Variants in NAV3 observed in about 807,000 individuals in gnomAD.
NAV3 encodes neuron navigator 3.
A neutral mutation model predicts 244.7 loss-of-function variants in NAV3; 87 were observed. The ratio of observed to expected loss-of-function variants is 0.36; its 90% CI spans 0.30 to 0.42. The LOEUF (loss-of-function observed/expected upper bound fraction) is 0.42, where lower values mean the gene tolerates loss of function less well. NAV3 is among the 20% of genes least tolerant of loss of function. The pLI, the probability that NAV3 is intolerant of heterozygous loss-of-function variation, is 1.00. For synonymous variants in NAV3, 1,126 were observed against 1,042.2 expected (o/e 1.08, Z -1.55); for missense variants, 2,663 against 2,893.3 (o/e 0.92, Z 1.83).
intron 34 of NAV3, among the ~76,000 whole-genome samples, chr12:78,192,534 T>A (rs1252862782): frequency 1.3e-5 from 2 of 151,798 alleles, no homozygotes; most frequent in Admixed American, 6.6e-5. Flanking sequence ...GCCTCCTGAG[T>A]AGCTGAGACT....
chr12:77,798,743 C>T (rs1347232833), intron 2 of NAV3, among the ~76,000 whole-genome samples: 1 of 152,084 alleles, frequency 6.6e-6, no homozygotes, highest in Non-Finnish European at 1.5e-5. Context: ...GGCCAAAATT[C>T]ACATAGGATT....
intron 5 of NAV3, among the ~76,000 whole-genome samples, chr12:77,977,340 T>A (rs993281387): frequency 3.9e-5 from 6 of 152,130 alleles, no homozygotes; most frequent in African/African-American, 1.4e-4. Flanking sequence ...TATAGGCAGG[T>A]CTTTCTAGGA....
intron 1 of NAV3, among the ~76,000 whole-genome samples, chr12:77,882,264 G>A (rs1882743997): frequency 6.6e-6 from 1 of 152,026 alleles, no homozygotes; most frequent in South Asian, 2.1e-4. Flanking sequence ...AGAAAACTCA[G>A]AAATAATACT....
At chr12:77,942,787 C>T (rs1889998557) in intron 3 of NAV3, among the ~76,000 whole-genome samples, 2 of 152,136 alleles carry the variant, frequency 1.3e-5, no homozygotes, top group African/African-American at 4.8e-5. Flanking sequence ...AAATGCAATG[C>T]AGAATAGTAT....
At chr12:78,181,275 T>C (rs1958487799) in intron 30 of NAV3, among the ~76,000 whole-genome samples, 1 of 152,098 alleles carries the variant, frequency 6.6e-6, no homozygotes, top group African/African-American at 2.4e-5. Flanking sequence ...TTTTAAGAAA[T>C]CACTTTTCCC....
chr12:77,595,483 A>T (rs1870125605), intron 2 of NAV3, among the ~76,000 whole-genome samples: 1 of 152,136 alleles, frequency 6.6e-6, no homozygotes, highest in South Asian at 2.1e-4. Flanking sequence ...AATGACTATA[A>T]ATAATCGTAT....
At chr12:77,628,255 T>G (rs1171160449) in intron 2 of NAV3, among the ~76,000 whole-genome samples, 1 of 152,204 alleles carries the variant, frequency 6.6e-6, no homozygotes, top group Non-Finnish European at 1.5e-5. Context: ...AAATATCACA[T>G]GTACTCCATA....
chr12:77,873,744 G>GTGTGTATATATATA lies in NAV3; in HGVS notation c.243+42041_243+42042insGTGTATATATATAT, dbSNP rs776225440. On this transcript the variant is annotated intron_variant, in intron 1 of 39. Coordinates refer to ENST00000397909, the MANE Select transcript of NAV3 (RefSeq NM_001024383.2). ...CTTATCTAAATACATATGTGTGTGT[G>GTGTGTATATATATA]TATATATATATATATATATATATGT... Among the ~76,000 whole-genome samples the GTGTGTATATATATA allele has an allele frequency of 6.5e-3, 475 of 73,082 alleles. 18 individuals carry two copies. Among genetic ancestry groups the GTGTGTATATATATA allele is most frequent in the South Asian group, 9.2e-3 (14 of 1,528 alleles). 47.9% of individuals were successfully genotyped at this position (73,082 alleles called of 152,430 possible).
chr12:77,819,545 A>G (rs1872651006), intron 2 of NAV3, among the ~76,000 whole-genome samples: 1 of 152,004 alleles, frequency 6.6e-6, no homozygotes, highest in Non-Finnish European at 1.5e-5. Flanking sequence ...TAGATGCCAA[A>G]TTTAGTTGTC....
At chr12:77,808,596 ATGAGGTGTCTATCGACCCCTGC>A (rs928741838) in intron 2 of NAV3, among the ~76,000 whole-genome samples, 1 of 152,164 alleles carries the variant, frequency 6.6e-6, no homozygotes, top group African/African-American at 2.4e-5. Flanking sequence ...GCTCTCCTGT[ATGAGGTGTCTATCGACCCCTGC>A]TGGGAGGTGT....
chr12:77,971,370 C>A (rs752667974), intron 5 of NAV3, among the ~76,000 whole-genome samples: 1 of 151,718 alleles, frequency 6.6e-6, no homozygotes, highest in African/African-American at 2.4e-5. Flanking sequence ...ATTCAGGACC[C>A]GAATATAGAA....
chr12:78,089,153 C>T (rs1005497921), intron 12 of NAV3, among the ~76,000 whole-genome samples: 5 of 152,028 alleles, frequency 3.3e-5, no homozygotes, highest in Non-Finnish European at 5.9e-5. Flanking sequence ...TTTTTCCATA[C>T]CACCATTCCC....
chr12:78,088,586 T>C (rs1953759531), intron 12 of NAV3, among the ~76,000 whole-genome samples: 1 of 152,152 alleles, frequency 6.6e-6, no homozygotes, highest in Non-Finnish European at 1.5e-5. Flanking sequence ...ACTTGTTTCT[T>C]CTCTCTTTGT....
At chr12:78,141,699 C>A (rs114691644) in intron 20 of NAV3, among the ~76,000 whole-genome samples, 2 of 151,934 alleles carry the variant, frequency 1.3e-5, no homozygotes, top group Non-Finnish European at 2.9e-5. Flanking sequence ...TAAGAAATCA[C>A]GATTAGTTTT....
intron 5 of NAV3, 142 bp downstream of exon 5, chr12:77,968,844 A>AAACTAAAACC (rs2138001403): frequency 1.3e-6 from 1 of 770,234 alleles, no homozygotes; most frequent in Non-Finnish European, 2.0e-6. Context: ...TGTGTAATAG[A>AAACTAAAACC]AACTAAAACC....
chr12:78,006,308 T>C, intron 7 of NAV3, 111 bp from the exon 8 acceptor site: 1 of 988,048 alleles, frequency 1.0e-6, no homozygotes, highest in Non-Finnish European at 1.5e-6. Flanking sequence ...CTCTTTTCAG[T>C]TCAGAGGAGA....
chr12:78,021,290 T>C (rs1877109520), intron 8 of NAV3, among the ~76,000 whole-genome samples: 1 of 152,154 alleles, frequency 6.6e-6, no homozygotes, highest in Non-Finnish European at 1.5e-5. Flanking sequence ...ATCATAATGA[T>C]GTATAAAGTC....
At chr12:77,772,262 C>A (rs1370614944) in intron 2 of NAV3, among the ~76,000 whole-genome samples, 24 of 152,084 alleles carry the variant, frequency 1.6e-4, no homozygotes, top group Non-Finnish European at 5.9e-5. Flanking sequence ...ATATCAAGAA[C>A]TTTGCATGCT....
chr12:77,978,840 A>T (rs183029740), intron 5 of NAV3, among the ~76,000 whole-genome samples: 3 of 151,942 alleles, frequency 2.0e-5, no homozygotes, highest in African/African-American at 7.2e-5. Context: ...TCAGTCTAAT[A>T]AGATATAAAA....
Sources: gnomAD v4.1 joint callset for allele counts (sites outside exome capture counted in the v4.1 genomes callset) on GRCh38, gnomAD v4.1.1 for gene constraint, MANE v1.5 for transcripts, NCBI Gene and HGNC (gene_info 2026-07-23, HGNC 2026-07-21) for gene names.